The following FMNL2 variants were observed in gnomAD, a reference collection of about 807,000 sequenced individuals.
The protein encoded by FMNL2 is formin-like protein 2.
In FMNL2, 51 loss-of-function variants were observed where a neutral mutation model predicts 130.2. The observed-to-expected ratio is 0.39, with a 90% CI of 0.31 to 0.49. The LOEUF (loss-of-function observed/expected upper bound fraction) is 0.49, where lower values mean the gene tolerates loss of function less well. Ranked by LOEUF, FMNL2 falls within the 20% of genes least tolerant of loss-of-function variation. The pLI is 0.85. For missense variants in FMNL2, 977 were observed against 1,316.2 expected (o/e 0.74, Z 3.99); for synonymous variants, 465 against 467.1 (o/e 1.00, Z 0.06).
At chr2:152,639,185 G>T (rs1316434387) in intron 23 of FMNL2, among the ~76,000 whole-genome samples, 3 of 152,208 alleles carry the variant, frequency 2.0e-5, no homozygotes, top group Non-Finnish European at 2.9e-5. Context: ...TGTAGGCAGA[G>T]GTTGGGGTTT....
intron 2 of FMNL2, among the ~76,000 whole-genome samples, chr2:152,529,319 A>G (rs974057326): frequency 6.6e-6 from 1 of 152,134 alleles, no homozygotes; most frequent in African/African-American, 2.4e-5. Context: ...AGTTCCAGCA[A>G]TGTACCAGAC....
chr2:152,475,853 T>C (rs1376634505), intron 1 of FMNL2, among the ~76,000 whole-genome samples: 1 of 152,216 alleles, frequency 6.6e-6, no homozygotes, highest in African/African-American at 2.4e-5. Context: ...GGTGAGGTGA[T>C]GAATTTGTTA....
At chr2:152,605,319 CGTGT>C (rs58797230) in intron 9 of FMNL2, among the ~76,000 whole-genome samples, 4 of 150,750 alleles carry the variant, frequency 2.7e-5, no homozygotes, top group Non-Finnish European at 5.9e-5. Flanking sequence ...TGTGTGTGTG[CGTGT>C]GTGTGTGTGT....
intron 1 of FMNL2, among the ~76,000 whole-genome samples, chr2:152,449,656 G>C (rs1171178573): frequency 6.6e-6 from 1 of 152,130 alleles, no homozygotes; most frequent in Non-Finnish European, 1.5e-5. Context: ...CCTACTTGTG[G>C]CCTTGTTTTC....
intron 1 of FMNL2, among the ~76,000 whole-genome samples, chr2:152,373,509 C>G (rs1403815862): frequency 6.6e-6 from 1 of 152,142 alleles, no homozygotes; most frequent in African/African-American, 2.4e-5. Context: ...CCTGTGGATA[C>G]CAAAATCCAT....
At chr2:152,495,035 G>A (rs1387542985) in intron 1 of FMNL2, among the ~76,000 whole-genome samples, 4 of 152,162 alleles carry the variant, frequency 2.6e-5, no homozygotes, top group Admixed American at 6.5e-5. Flanking sequence ...AAAACTTTGC[G>A]TTGGGGAATA....
At chr2:152,469,572 C>G (rs890002546) in intron 1 of FMNL2, among the ~76,000 whole-genome samples, 1 of 152,184 alleles carries the variant, frequency 6.6e-6, no homozygotes, top group Non-Finnish European at 1.5e-5. Context: ...CTTCTGCTCC[C>G]CCTTGCGTGG....
At chr2:152,588,834 A>G (rs1273652684) in intron 9 of FMNL2, among the ~76,000 whole-genome samples, 1 of 152,162 alleles carries the variant, frequency 6.6e-6, no homozygotes, top group Admixed American at 6.5e-5. Context: ...TATGCTCCCC[A>G]GTCACATTGG....
At chr2:152,393,216 A>T (rs1038808017) in intron 1 of FMNL2, among the ~76,000 whole-genome samples, 1 of 152,186 alleles carries the variant, frequency 6.6e-6, no homozygotes, top group Non-Finnish European at 1.5e-5. Flanking sequence ...CAACACTTTA[A>T]TATGAGGAAA....
chr2:152,385,864 A>G (rs144702869), intron 1 of FMNL2, among the ~76,000 whole-genome samples: 49 of 152,322 alleles, frequency 3.2e-4, no homozygotes, highest in East Asian at 1.5e-3. Flanking sequence ...CAGATGATCA[A>G]CTTACCCATG....
At chr2:152,528,810 T>G (rs1195511104) in intron 2 of FMNL2, among the ~76,000 whole-genome samples, 2 of 152,158 alleles carry the variant, frequency 1.3e-5, no homozygotes, top group Non-Finnish European at 2.9e-5. Context: ...TGTTGGCCAT[T>G]GGGGGTCAAA....
At chr2:152,431,965 T>TAAAAAAAAAAAAAAAAAAAAAAA (rs60639670) in intron 1 of FMNL2, among the ~76,000 whole-genome samples, 3 of 82,154 alleles carry the variant, frequency 3.7e-5, no homozygotes, top group African/African-American at 1.9e-4. Flanking sequence ...ACCCTATCTT[T>TAAAAAAAAAAAAAAAAAAAAAAA]AAAAAAAAAA....
intron 1 of FMNL2, among the ~76,000 whole-genome samples, chr2:152,412,047 G>A (rs1016671405): frequency 3.9e-5 from 6 of 152,082 alleles, no homozygotes; most frequent in Non-Finnish European, 8.8e-5. Flanking sequence ...CTCATTTTGG[G>A]TTAATCTCCC....
intron 1 of FMNL2, among the ~76,000 whole-genome samples, chr2:152,483,113 G>A (rs1010023422): frequency 9.9e-5 from 15 of 152,082 alleles, no homozygotes; most frequent in Non-Finnish European, 2.1e-4. Context: ...CTTATGAATA[G>A]TCTTATTGCT....
chr2:152,349,516 T>C (rs1199238574), intron 1 of FMNL2, among the ~76,000 whole-genome samples: 1 of 152,234 alleles, frequency 6.6e-6, no homozygotes, highest in Non-Finnish European at 1.5e-5. Context: ...TAAGATGTCA[T>C]TAAATGTATG....
At chr2:152,426,053 TGAA>T (rs1274782696) in intron 1 of FMNL2, among the ~76,000 whole-genome samples, 2 of 152,224 alleles carry the variant, frequency 1.3e-5, no homozygotes, top group Non-Finnish European at 2.9e-5. Context: ...TCCAGGATGA[TGAA>T]GAAGTTTTAA....
chr2:152,643,971 TGTAATTCCA>T (rs1363433983), intron 25 of FMNL2: 3 of 844,092 alleles, frequency 3.6e-6, no homozygotes, highest in Non-Finnish European at 4.3e-6. Context: ...GGCACACGCC[TGTAATTCCA>T]GTACTTTGAG....
chr2:152,519,333 G>T (rs569250043), intron 1 of FMNL2, among the ~76,000 whole-genome samples: 1 of 152,056 alleles, frequency 6.6e-6, no homozygotes, highest in Non-Finnish European at 1.5e-5. Flanking sequence ...GATTCCCACC[G>T]TGCCACCCAG....
intron 17 of FMNL2, among the ~76,000 whole-genome samples, 155 bp from the exon 18 acceptor site, chr2:152,628,144 C>G (rs2105924539): frequency 6.6e-6 from 1 of 152,336 alleles, no homozygotes. Flanking sequence ...TGGGACTTCA[C>G]AGGACAGCTG....
Sources: allele counts gnomAD v4.1 joint callset (sites outside exome capture counted in the v4.1 genomes callset), GRCh38; gene constraint gnomAD v4.1.1; transcripts MANE v1.5; gene names NCBI Gene and HGNC (gene_info 2026-07-23, HGNC 2026-07-21).